The following ANK3 variants were observed in gnomAD, a reference collection of about 807,000 sequenced individuals.
ANK3 encodes the protein ankyrin 3, also known as ankyrin-3.
Under a neutral mutation model 370.9 loss-of-function variants are expected in ANK3, and 57 were observed. The observed-to-expected ratio is 0.15, with a 90% CI of 0.12 to 0.19. The LOEUF (loss-of-function observed/expected upper bound fraction) is 0.19. ANK3 is among the 10% of genes least tolerant of loss of function. The probability of loss-of-function intolerance (pLI) is 1.00; values close to 1 mark genes in which losing one functional copy is unlikely to be tolerated. For synonymous variants in ANK3, 1,929 were observed against 1,946.3 expected, an observed-to-expected ratio of 0.99 and a Z score of 0.23; for missense variants, 4,439 against 5,302.1, an observed-to-expected ratio of 0.84 and a Z score of 5.06.
chr10:60,114,257 A>G lies in ANK3; in HGVS notation c.2916T>C (p.Asn972=), dbSNP rs797045232. The change falls in exon 26 of 44, where the codon AAT becomes AAC. Residue 972 remains asparagine, a synonymous_variant. Transcript: ENST00000280772. ...GAATGGGGCTTGAAACAAGATTGAC[A>G]TTGTCTAAGGTGTCTGCAGCCCAGC... ...HYSWAADTLD[N]VNLVSSPIHS... The G allele has an allele frequency of 6.8e-6, 11 of 1,607,232 alleles. No individual in the cohort carries two copies. Among genetic ancestry groups the G allele is most frequent in the Non-Finnish European group, 9.3e-6 (11 of 1,177,150 alleles).
intron 2 of ANK3, among the ~76,000 whole-genome samples, chr10:60,524,027 C>T (rs942281901): frequency 1.3e-5 from 2 of 152,068 alleles, no homozygotes; most frequent in African/African-American, 4.8e-5. Context: ...AAGGAATGCT[C>T]TGGTGCTCTT....
At chr10:60,058,895 C>T (rs985394160) in intron 41 of ANK3, among the ~76,000 whole-genome samples, 2 of 152,132 alleles carry the variant, frequency 1.3e-5, no homozygotes, top group African/African-American at 4.8e-5. Flanking sequence ...GCTGGGATTA[C>T]AGGTGCGTGA....
intron 1 of ANK3, among the ~76,000 whole-genome samples, chr10:60,673,597 C>CA (rs1341873657): frequency 2.6e-5 from 4 of 152,178 alleles, no homozygotes; most frequent in Non-Finnish European, 5.9e-5. Flanking sequence ...GGTGATCCAC[C>CA]CGCCTCAGCC....
chr10:60,180,665 T>G (rs1488824381), intron 18 of ANK3, among the ~76,000 whole-genome samples: 1 of 146,444 alleles, frequency 6.8e-6, no homozygotes, highest in Non-Finnish European at 1.5e-5. Context: ...AAATCTGATA[T>G]GAAGAAATAA....
chr10:60,068,728 C>T lies in ANK3; in HGVS notation c.12153G>A (p.Thr4051=), dbSNP rs1190946768. The change falls in exon 37 of 44, where the codon ACG becomes ACA. Residue 4051 remains threonine (T), a synonymous_variant. Coordinates refer to ENST00000280772, the MANE Select transcript of ANK3 (RefSeq NM_020987.5). The part of the protein sequence containing the change: ...TSRGGQPSVT[T]KSARDKKTEA... ...CTGTTTTCTTATCTCTAGCAGACTT[C>T]GTTGTAACCGAAGGCTGGCCACCCC... The T allele has an allele frequency of 5.0e-6, 8 of 1,614,026 alleles. No homozygotes were observed. The highest frequency in any genetic ancestry group is 3.3e-5 in the South Asian group (3 of 91,084).
chr10:60,240,169 T>TATATATACATATATACAC lies in ANK3; in HGVS notation c.799-5384_799-5383insGTGTATATATGTATATAT, dbSNP rs1555185396. ...ACATATATATACATATATACACATA[T>TATATATACATATATACAC]ATATACATATATACACATATATATA... On this transcript the variant is annotated intron_variant, in intron 7 of 43. Transcript: ENST00000280772. Among the ~76,000 whole-genome samples the TATATATACATATATACAC allele has an allele frequency of 2.6e-3, 371 of 141,006 alleles. 5 individuals carry two copies. The highest frequency in any genetic ancestry group is 9.4e-3 in the African/African-American group (351 of 37,370). 92.5% of individuals were successfully genotyped at this position (141,006 alleles called of 152,430 possible).
At chr10:60,063,013 A>G in intron 40 of ANK3, 98 bp downstream of exon 40, 1 of 1,251,620 alleles carries the variant, frequency 8.0e-7, no homozygotes, top group Admixed American at 2.6e-5. Context: ...TAAGTCAAGC[A>G]AATCACAGTT....
At chr10:60,683,089 G>C (rs1222600567) in intron 1 of ANK3, among the ~76,000 whole-genome samples, 1 of 152,086 alleles carries the variant, frequency 6.6e-6, no homozygotes, top group African/African-American at 2.4e-5. Context: ...TGGTGTCCAG[G>C]CTTGGTATAT....
intron 2 of ANK3, among the ~76,000 whole-genome samples, chr10:60,474,965 ATTGT>A (rs1489254389): frequency 6.6e-6 from 1 of 152,134 alleles, no homozygotes; most frequent in African/African-American, 2.4e-5. Flanking sequence ...TAAAAGAGAA[ATTGT>A]TTATCATCTA....
rs151196291 is a variant in ANK3 at position 60,406,348 on chromosome 10, G to T, written c.97-126709C>A. ...AGATCAGCAGCCCCCAGCCTTTTTG[G>T]CACAAGGGACTGGTTTCATAAATGA... is the stretch of plus-strand genomic sequence containing the variant. On this transcript the variant is annotated intron_variant, in intron 2 of 43. Transcript: ENST00000373827. Among the ~76,000 whole-genome samples the T allele has an allele frequency of 2.8e-3, 422 of 152,302 alleles. 1 individual carries two copies. Among genetic ancestry groups the T allele is most frequent in the African/African-American group, 9.7e-3 (403 of 41,554 alleles).
chr10:60,287,779 A>G (rs1205810193), intron 1 of ANK3, among the ~76,000 whole-genome samples: 2 of 152,150 alleles, frequency 1.3e-5, no homozygotes, highest in African/African-American at 4.8e-5. Flanking sequence ...GGGGTTTTCC[A>G]TTTGAGTTCT....
chr10:60,527,383 T>G (rs952969746), intron 2 of ANK3, among the ~76,000 whole-genome samples: 1 of 151,990 alleles, frequency 6.6e-6, no homozygotes, highest in Non-Finnish European at 1.5e-5. Flanking sequence ...TTTTTAGTAG[T>G]CCATATTGAT....
At chr10:60,643,459 T>C (rs879841469) in intron 1 of ANK3, among the ~76,000 whole-genome samples, 2 of 152,078 alleles carry the variant, frequency 1.3e-5, no homozygotes, top group Non-Finnish European at 2.9e-5. Context: ...TATTGTGGGA[T>C]CTTGTGATTG....
At chr10:60,528,028 T>A (rs2133194780) in intron 2 of ANK3, among the ~76,000 whole-genome samples, 1 of 152,080 alleles carries the variant, frequency 6.6e-6, no homozygotes, top group Middle Eastern at 3.4e-3. Flanking sequence ...CTCACCAAGA[T>A]GGGATACATG....
intron 28 of ANK3, among the ~76,000 whole-genome samples, chr10:60,105,668 T>TTC (rs2092065723): frequency 2.6e-5 from 4 of 152,240 alleles, no homozygotes; most frequent in Admixed American, 2.0e-4. Flanking sequence ...GATTGATGTA[T>TTC]GTGATTAAAG....
chr10:60,615,969 G>A (rs71499281), intron 1 of ANK3, among the ~76,000 whole-genome samples: 9 of 152,050 alleles, frequency 5.9e-5, no homozygotes, highest in Non-Finnish European at 1.2e-4. Context: ...TATTCCAACT[G>A]GTACTGAAGT....
chr10:60,278,907 G>A lies in ANK3; in HGVS notation c.316-35C>T, dbSNP rs375683961. 13 of 1,599,706 alleles carry A rather than the reference G, an allele frequency of 8.1e-6. 1 individual carries two copies. The highest frequency in any genetic ancestry group is 1.7e-4 in the Middle Eastern group (1 of 6,050). On this transcript the variant is annotated intron_variant, in intron 3 of 43. Transcript: ENST00000280772. Reference sequence around the variant, plus strand: ...GAAAGTCAAGATATATCAACTCATCGATCTTTTGAATTTTCCTGTTCTCCC... The same window carrying A: ...GAAAGTCAAGATATATCAACTCATCAATCTTTTGAATTTTCCTGTTCTCCC...
At chr10:60,277,131 T>G (rs916263995) in intron 4 of ANK3, among the ~76,000 whole-genome samples, 1 of 152,244 alleles carries the variant, frequency 6.6e-6, no homozygotes, top group African/African-American at 2.4e-5. Context: ...CAGTTCCTTT[T>G]CTTTGACTCT....
intron 7 of ANK3, among the ~76,000 whole-genome samples, chr10:60,259,079 G>A (rs551175360): frequency 6.6e-6 from 1 of 152,284 alleles, no homozygotes; most frequent in South Asian, 2.1e-4. Context: ...ACCTTCTTGA[G>A]AGAACTATGA....
Sources: allele counts gnomAD v4.1 joint callset (sites outside exome capture counted in the v4.1 genomes callset), GRCh38; gene constraint gnomAD v4.1.1; transcripts MANE v1.5; gene names NCBI Gene and HGNC (gene_info 2026-07-23, HGNC 2026-07-21).